Variants in VEZT observed in about 807,000 individuals in gnomAD.
VEZT encodes vezatin.
Under a neutral mutation model 79.9 loss-of-function variants are expected in VEZT, and 39 were observed. That is an observed-to-expected ratio of 0.49 (90% confidence interval 0.38 to 0.64). The LOEUF (loss-of-function observed/expected upper bound fraction) is 0.64, where lower values mean the gene tolerates loss of function less well. Ranked by LOEUF, VEZT falls within the 30% of genes least tolerant of loss-of-function variation. The probability of loss-of-function intolerance (pLI) is 0.00; values close to 1 mark genes in which losing one functional copy is unlikely to be tolerated. For missense variants in VEZT, 837 were observed against 893.1 expected (o/e 0.94, Z 0.80); for synonymous variants, 325 against 327.6 (o/e 0.99, Z 0.09).
intron 3 of VEZT, among the ~76,000 whole-genome samples, chr12:95,257,906 A>G (rs976230413): frequency 6.6e-6 from 1 of 152,178 alleles, no homozygotes; most frequent in African/African-American, 2.4e-5. Flanking sequence ...TAATCTAAAC[A>G]ACACTATAAG....
chr12:95,226,114 AAAG>A (rs74659375), intron 1 of VEZT, among the ~76,000 whole-genome samples: 1 of 150,754 alleles, frequency 6.6e-6, no homozygotes, highest in Non-Finnish European at 1.5e-5. Context: ...AAAAAAAAAA[AAAG>A]AACAGTTGAA....
chr12:95,264,993 A>T (rs7957257), intron 4 of VEZT, among the ~76,000 whole-genome samples: 60,467 of 150,140 alleles, frequency 0.4, 12,504 homozygotes, highest in African/African-American at 0.49. Flanking sequence ...TCCGAATAGC[A>T]GGGACTACGG....
intron 1 of VEZT, among the ~76,000 whole-genome samples, chr12:95,251,071 C>T (rs551308917): frequency 2.6e-5 from 4 of 152,114 alleles, no homozygotes; most frequent in East Asian, 1.9e-4. Context: ...AGTGCAGTGG[C>T]GTGATCTCGG....
At chr12:95,224,189 G>T (rs1402619917) in intron 1 of VEZT, 2 of 456,078 alleles carry the variant, frequency 4.4e-6, no homozygotes, top group Non-Finnish European at 4.4e-6. Flanking sequence ...GGTTCGGCCA[G>T]TGGGAAGGAC....
chr12:95,266,252 T>C (rs2065512584), intron 4 of VEZT, 105 bp from the exon 5 acceptor site: 1 of 1,249,630 alleles, frequency 8.0e-7, no homozygotes, highest in Non-Finnish European at 1.1e-6. Flanking sequence ...TAGCATTTTA[T>C]TTATTTAGTA....
intron 9 of VEZT, among the ~76,000 whole-genome samples, chr12:95,292,419 G>C (rs1594184908): frequency 6.6e-6 from 1 of 152,146 alleles, no homozygotes; most frequent in South Asian, 2.1e-4. Flanking sequence ...AATGAAATCT[G>C]TGTTCTGCTA....
At chr12:95,268,422 C>G (rs999228644) in intron 5 of VEZT, among the ~76,000 whole-genome samples, 4 of 151,998 alleles carry the variant, frequency 2.6e-5, no homozygotes, top group Non-Finnish European at 4.4e-5. Context: ...GGCATGAACC[C>G]GGGAGGCAGA....
chr12:95,297,682 T>C lies in VEZT; in HGVS notation c.1831+1424T>C, dbSNP rs147940970. On this transcript the variant is annotated intron_variant, in intron 11 of 11. Transcript: ENST00000436874. ...TCTCCCTTTCTTATTGTGTTGAATC[T>C]AAACTCTTTTTCCTGTTTTCAAGTC... is the stretch of plus-strand genomic sequence containing the variant. 5.9e-5 allele frequency among the ~76,000 whole-genome samples: 9 copies of C among 152,364 alleles called. No homozygotes were observed. In the East Asian group the frequency reaches 1.7e-3, roughly 29 times the overall value.
At chr12:95,292,367 T>G (rs2073071348) in intron 9 of VEZT, among the ~76,000 whole-genome samples, 1 of 152,174 alleles carries the variant, frequency 6.6e-6, no homozygotes, top group South Asian at 2.1e-4. Flanking sequence ...GTTTTTTTTC[T>G]TTTCATTCAA....
intron 5 of VEZT, among the ~76,000 whole-genome samples, chr12:95,269,477 A>G (rs1033056848): frequency 1.4e-4 from 21 of 152,296 alleles, no homozygotes; most frequent in African/African-American, 5.1e-4. Context: ...GCAGGTGGGT[A>G]AGTAATTTTA....
At chr12:95,243,361 C>CAAAAA (rs34891631) in intron 1 of VEZT, among the ~76,000 whole-genome samples, 2 of 73,244 alleles carry the variant, frequency 2.7e-5, no homozygotes, top group Non-Finnish European at 5.9e-5. Flanking sequence ...GACACCATCT[C>CAAAAA]AAAAAAAAAA....
intron 1 of VEZT, among the ~76,000 whole-genome samples, chr12:95,230,540 A>C (rs1215867342): frequency 6.9e-6 from 1 of 144,078 alleles, no homozygotes; most frequent in African/African-American, 2.6e-5. Context: ...CTCTCACCTC[A>C]TCCTGTGTGA....
intron 4 of VEZT, among the ~76,000 whole-genome samples, chr12:95,264,132 T>G (rs545572784): frequency 2.2e-4 from 33 of 152,336 alleles, no homozygotes; most frequent in African/African-American, 7.9e-4. Context: ...TGTATTTATG[T>G]CTTCCCTGTC....
intron 4 of VEZT, among the ~76,000 whole-genome samples, chr12:95,265,331 A>G (rs2065332657): frequency 6.6e-6 from 1 of 151,816 alleles, no homozygotes; most frequent in Non-Finnish European, 1.5e-5. Context: ...TGTGGTAAGT[A>G]TGTATATTCC....
intron 7 of VEZT, among the ~76,000 whole-genome samples, chr12:95,278,053 T>C (rs10777681): frequency 0.11 from 17,078 of 152,274 alleles, 1,056 homozygotes; most frequent in East Asian, 0.25. Flanking sequence ...GGTTTCACTC[T>C]AGCTCCGTTA....
At position 95,294,310 on chromosome 12, in the gene VEZT, G is replaced by C; in HGVS notation, c.1561G>C (p.Val521Leu). The stretch of plus-strand genomic sequence containing the variant: ...AGCATGTGAAAACCCACATTGTACA[G>C]TAGTACCTTTGAAGCAGCCTACTCT... ...EIACENPHCTVVPLKQPTLHI... is the reference protein window; with the variant it reads ...EIACENPHCTLVPLKQPTLHI... The change falls in exon 10 of 12, where the codon GTA (valine) becomes CTA (leucine). Residue 521 changes from valine to leucine, a missense_variant. Transcript: ENST00000436874. 1 of 1,594,164 alleles carries C rather than the reference G, an allele frequency of 6.3e-7. No homozygotes were observed. Among genetic ancestry groups the C allele is most frequent in the African/African-American group, 1.3e-5 (1 of 74,732 alleles).
At chr12:95,283,105 T>G (rs992695378) in intron 8 of VEZT, among the ~76,000 whole-genome samples, 2 of 152,184 alleles carry the variant, frequency 1.3e-5, no homozygotes, top group African/African-American at 2.4e-5. Flanking sequence ...TCTGAAAATT[T>G]TTTTGTATCA....
chr12:95,233,183 C>G (rs1286742255), intron 1 of VEZT, among the ~76,000 whole-genome samples: 2 of 151,624 alleles, frequency 1.3e-5, no homozygotes, highest in African/African-American at 2.4e-5. Flanking sequence ...TAGGTACCTT[C>G]TTTTTTCTTT....
At chr12:95,218,027 A>G in intron 1 of VEZT, 141 bp downstream of exon 1, 2 of 774,998 alleles carry the variant, frequency 2.6e-6, no homozygotes, top group Non-Finnish European at 3.9e-6. Context: ...CAGCGATTTC[A>G]GGGCCTAGAG....
Sources: gnomAD v4.1 joint callset for allele counts (sites outside exome capture counted in the v4.1 genomes callset) on GRCh38, gnomAD v4.1.1 for gene constraint, MANE v1.5 for transcripts, NCBI Gene and HGNC (gene_info 2026-07-23, HGNC 2026-07-21) for gene names.